The following KPNA3 variants were observed in gnomAD, a reference collection of about 807,000 sequenced individuals.
The protein encoded by KPNA3 is importin subunit alpha-4.
In KPNA3, 13 loss-of-function variants were observed where a neutral mutation model predicts 73.8. The ratio of observed to expected loss-of-function variants is 0.18; its 90% CI spans 0.11 to 0.28. The LOEUF (loss-of-function observed/expected upper bound fraction) is 0.28. Among genes scored for constraint, KPNA3 ranks in the 10% least tolerant of loss-of-function variants. The pLI is 1.00. For missense variants in KPNA3, 360 were observed against 618.1 expected (o/e 0.58, Z 4.43); for synonymous variants, 186 against 206.9 (o/e 0.90, Z 0.87).
chr13:49,729,243 G>A (rs1954439133), intron 6 of KPNA3, among the ~76,000 whole-genome samples: 1 of 152,038 alleles, frequency 6.6e-6, no homozygotes, highest in South Asian at 2.1e-4. Context: ...TATATCAGAG[G>A]CAGGGAAGAA....
Position 49,752,255 on chromosome 13 carries a change from A to C in KPNA3, c.70-5262T>G, listed in dbSNP as rs751948107. On this transcript the variant is annotated intron_variant, in intron 1 of 16. Transcript: ENST00000261667. ...ACAATGAACAGAGCCAGACCTCAGA[A>C]AATAGGATGCCAATGCCACCCCCTT... 7.2e-4 allele frequency among the ~76,000 whole-genome samples: 110 copies of C among 152,318 alleles called. 1 individual carries two copies. The highest frequency in any genetic ancestry group is 4.1e-4 in the South Asian group (2 of 4,828).
intron 2 of KPNA3, 148 bp from the exon 3 acceptor site, chr13:49,733,194 C>T: frequency 1.7e-6 from 1 of 601,096 alleles, no homozygotes; most frequent in South Asian, 2.0e-5. Flanking sequence ...TACTGCAAAC[C>T]AATGACAAGG....
chr13:49,722,689 A>G (rs555044321), intron 7 of KPNA3, 126 bp from the exon 8 acceptor site: 336 of 575,320 alleles, frequency 5.8e-4, no homozygotes, highest in Non-Finnish European at 8.6e-4. Flanking sequence ...TGTGGCAAAT[A>G]TCTTTACCCT....
chr13:49,720,453 T>C (rs995731130), intron 9 of KPNA3, among the ~76,000 whole-genome samples: 8 of 152,090 alleles, frequency 5.3e-5, no homozygotes, highest in Admixed American at 1.3e-4. Flanking sequence ...GAGAAAGATG[T>C]CCATTATAAA....
intron 8 of KPNA3, 24 bp from the exon 9 acceptor site, chr13:49,722,148 A>G (rs762489152): frequency 1.4e-6 from 2 of 1,456,946 alleles, no homozygotes; most frequent in South Asian, 1.5e-5. Context: ...AATTATATTT[A>G]AAAAAAACTT....
chr13:49,724,363 G>A (rs1450704104), intron 7 of KPNA3, among the ~76,000 whole-genome samples: 1 of 151,820 alleles, frequency 6.6e-6, no homozygotes, highest in South Asian at 2.1e-4. Flanking sequence ...GAGTGCAGCG[G>A]CACGATCTCG....
chr13:49,713,245 A>G (rs900345054), intron 10 of KPNA3, among the ~76,000 whole-genome samples: 10 of 152,136 alleles, frequency 6.6e-5, no homozygotes, highest in African/African-American at 1.9e-4. Flanking sequence ...CAACAGTTAT[A>G]AACATCTATT....
At chr13:49,702,190 A>G (rs1954154691) in intron 16 of KPNA3, among the ~76,000 whole-genome samples, 196 bp downstream of exon 16, 1 of 152,214 alleles carries the variant, frequency 6.6e-6, no homozygotes, top group African/African-American at 2.4e-5. Context: ...TAGAAATGAA[A>G]CAAGAACTGT....
At chr13:49,738,731 T>C (rs1262656340) in intron 2 of KPNA3, among the ~76,000 whole-genome samples, 1 of 152,246 alleles carries the variant, frequency 6.6e-6, no homozygotes, top group East Asian at 1.9e-4. Context: ...AGCTTTCTGA[T>C]AGATTCCTTG....
chr13:49,725,521 C>T lies in KPNA3; in HGVS notation c.384-20G>A, dbSNP rs778666574. Reference sequence around the variant, plus strand: ...GAAGGACTGTAAAAAAACAATAACACATCTTTTTAGACACATAACTACCAC... The same window carrying T: ...GAAGGACTGTAAAAAAACAATAACATATCTTTTTAGACACATAACTACCAC... On this transcript the variant is annotated intron_variant, in intron 6 of 16. Coordinates refer to ENST00000261667, the MANE Select transcript of KPNA3 (RefSeq NM_002267.4). The T allele has an allele frequency of 2.0e-6, 3 of 1,495,866 alleles. No individual in the cohort carries two copies. The highest frequency in any genetic ancestry group is 3.4e-5 in the Admixed American group (2 of 59,072). 92.7% of individuals were successfully genotyped at this position (1,495,866 alleles called of 1,614,324 possible).
intron 9 of KPNA3, among the ~76,000 whole-genome samples, chr13:49,721,214 C>G (rs1373728778): frequency 6.8e-6 from 1 of 147,820 alleles, no homozygotes; most frequent in Non-Finnish European, 1.5e-5. Flanking sequence ...ACAAGACTGT[C>G]TCAAAAGAAG....
At chr13:49,779,097 A>G (rs768295193) in intron 1 of KPNA3, among the ~76,000 whole-genome samples, 1 of 147,030 alleles carries the variant, frequency 6.8e-6, no homozygotes, top group Non-Finnish European at 1.5e-5. Context: ...TGCTAGTTCC[A>G]TTTTTTTTTT....
Position 49,701,818 on chromosome 13 carries a change from T to A in KPNA3, c.1548A>T (p.Thr516=), listed in dbSNP as rs757124862. ...YNFDPTANLQ[T]KEFNF ...ACTGAATTTAAAAATTAAATTCTTT[T>A]GTTTGAAGGTTGGCTGTTGGATCAA... The change falls in exon 17 of 17, where the codon ACA becomes ACT. Residue 516 remains threonine, a synonymous_variant. Transcript: ENST00000261667. 1.2e-6 allele frequency: 2 copies of A among 1,607,540 alleles called. No individual in the cohort carries two copies. Among genetic ancestry groups the A allele is most frequent in the South Asian group, 2.2e-5 (2 of 90,986 alleles).
intron 1 of KPNA3, among the ~76,000 whole-genome samples, chr13:49,759,216 T>C (rs1340916748): frequency 6.6e-6 from 1 of 152,218 alleles, no homozygotes; most frequent in Non-Finnish European, 1.5e-5. Flanking sequence ...ACCTCATTAT[T>C]TTGAAAACTG....
At chr13:49,719,848 CATT>C (rs1294896567) in intron 9 of KPNA3, 29 bp from the exon 10 acceptor site, 1 of 1,423,544 alleles carries the variant, frequency 7.0e-7, no homozygotes, top group African/African-American at 1.4e-5. Context: ...CAATACTTAA[CATT>C]AGTTAATTAA....
At chr13:49,701,989 T>C in intron 16 of KPNA3, 91 bp from the exon 17 acceptor site, 1 of 772,964 alleles carries the variant, frequency 1.3e-6, no homozygotes, top group Middle Eastern at 3.7e-4. Context: ...TAGCAAATAA[T>C]TCTATGTGAA....
chr13:49,761,731 G>A (rs1034521668), intron 1 of KPNA3, among the ~76,000 whole-genome samples: 11 of 150,232 alleles, frequency 7.3e-5, no homozygotes, highest in South Asian at 2.1e-4. Context: ...CCCTCTGCCC[G>A]GCTGCCCAGT....
At chr13:49,767,504 T>C (rs927273076) in intron 1 of KPNA3, among the ~76,000 whole-genome samples, 1 of 152,132 alleles carries the variant, frequency 6.6e-6, no homozygotes, top group Admixed American at 6.5e-5. Context: ...ATTATCTTGA[T>C]TGTGGTGATG....
At position 49,789,577 on chromosome 13, in the gene KPNA3, T is replaced by C. The variant is rs78732849; in HGVS notation, c.69+2861A>G. Reference sequence around the variant, plus strand: ...CCTATATGTGAAAAAATAGGCATCATAGCTTATCAAAGTGCATCTCACTGT... The same window carrying C: ...CCTATATGTGAAAAAATAGGCATCACAGCTTATCAAAGTGCATCTCACTGT... On this transcript the variant is annotated intron_variant, in intron 1 of 16. Coordinates refer to ENST00000261667, the MANE Select transcript of KPNA3 (RefSeq NM_002267.4). 8.5e-3 allele frequency among the ~76,000 whole-genome samples: 1,296 copies of C among 152,310 alleles called. 19 individuals carry two copies. Among genetic ancestry groups the C allele is most frequent in the African/African-American group, 0.029 (1,224 of 41,590 alleles).
Sources: allele counts gnomAD v4.1 joint callset (sites outside exome capture counted in the v4.1 genomes callset), GRCh38; gene constraint gnomAD v4.1.1; transcripts MANE v1.5; gene names NCBI Gene and HGNC (gene_info 2026-07-23, HGNC 2026-07-21).